The following NEDD4 variants were observed in gnomAD, a reference collection of about 807,000 sequenced individuals.
NEDD4 encodes the protein NEDD4 E3 ubiquitin protein ligase.
In NEDD4, 99 loss-of-function variants were observed where a neutral mutation model predicts 144.9. The ratio of observed to expected loss-of-function variants is 0.68; its 90% confidence interval spans 0.58 to 0.81. The LOEUF (loss-of-function observed/expected upper bound fraction) is 0.81. Ranked by LOEUF, NEDD4 falls within the 30% of genes least tolerant of loss-of-function variation. The pLI is 0.00. For synonymous variants in NEDD4, 318 were observed against 350.6 expected, an observed-to-expected ratio of 0.91 and a Z score of 1.04; for missense variants, 985 against 1,065.9, an observed-to-expected ratio of 0.92 and a Z score of 1.06.
At position 55,829,916 on chromosome 15, in the gene NEDD4, C is replaced by A; in HGVS notation, c.2684G>T (p.Gly895Val). The A allele has an allele frequency of 6.2e-7, 1 of 1,613,004 alleles. No homozygotes were observed. Among genetic ancestry groups the A allele is most frequent in the Non-Finnish European group, 8.5e-7 (1 of 1,179,280 alleles). ...TGTAATCTAATCAACTCCATCAAAGCCCTGGGTGTTTTCAATTGCCATCTG... is the reference window on the plus strand; with the variant it reads ...TGTAATCTAATCAACTCCATCAAAGACCTGGGTGTTTTCAATTGCCATCTG... ...KLQMAIENTQ[G>V]FDGVD Residue 895 changes from glycine to valine, a missense_variant, in exon 29 of 29, where the codon GGC becomes GTC. Transcript: ENST00000435532.
At chr15:55,993,322 GC>G (rs1203173847) in intron 1 of NEDD4, among the ~76,000 whole-genome samples, 188 bp downstream of exon 1, 1 of 152,128 alleles carries the variant, frequency 6.6e-6, no homozygotes, top group African/African-American at 2.4e-5. Context: ...CCTCCAGCGA[GC>G]CCCCAGCGCC....
intron 27 of NEDD4, among the ~76,000 whole-genome samples, chr15:55,831,950 A>G (rs1229989439): frequency 6.6e-6 from 1 of 152,208 alleles, no homozygotes; most frequent in Non-Finnish European, 1.5e-5. Context: ...AATATGAATC[A>G]ATATGAGAAA....
At chr15:55,831,621 G>C (rs896387637) in intron 27 of NEDD4, among the ~76,000 whole-genome samples, 3 of 152,202 alleles carry the variant, frequency 2.0e-5, no homozygotes, top group Non-Finnish European at 4.4e-5. Flanking sequence ...TAACCACTTT[G>C]AGTGGTTACT....
At chr15:55,881,286 C>T (rs1241046148) in intron 5 of NEDD4, among the ~76,000 whole-genome samples, 1 of 151,866 alleles carries the variant, frequency 6.6e-6, no homozygotes, top group Non-Finnish European at 1.5e-5. Context: ...GGATTACAGG[C>T]ACACGCCACC....
chr15:55,852,087 G>C lies in NEDD4; in HGVS notation c.1146+337C>G, dbSNP rs201283622. Among the ~76,000 whole-genome samples the C allele has an allele frequency of 2.7e-4, 41 of 152,006 alleles. No homozygotes were observed. The East Asian group carries it at 7.5e-3, about 28-fold the overall frequency. ...GAGGTGGGTGGATCACCTGAGGTCA[G>C]GAGTTTCAGATCAGCCTGGCCAACA... On this transcript the variant is annotated intron_variant, in intron 13 of 28. Coordinates refer to ENST00000435532, the MANE Select transcript of NEDD4 (RefSeq NM_006154.4).
chr15:55,923,103 G>A (rs541958429), intron 5 of NEDD4, among the ~76,000 whole-genome samples: 1 of 152,194 alleles, frequency 6.6e-6, no homozygotes, highest in African/African-American at 2.4e-5. Flanking sequence ...AGAATAGCTT[G>A]AACCTGGGAG....
At chr15:55,915,095 AC>A (rs1484591360) in intron 5 of NEDD4, among the ~76,000 whole-genome samples, 1 of 152,138 alleles carries the variant, frequency 6.6e-6, no homozygotes. Context: ...TGGTAAAATA[AC>A]AAATAGAGTA....
chr15:55,985,354 G>A (rs1434506186), intron 1 of NEDD4, among the ~76,000 whole-genome samples: 1 of 152,242 alleles, frequency 6.6e-6, no homozygotes, highest in East Asian at 1.9e-4. Flanking sequence ...GGGGCACTGA[G>A]GGGAGGAGGG....
intron 21 of NEDD4, among the ~76,000 whole-genome samples, chr15:55,839,996 AAAAATATATATATATATATATATAT>A (rs1405087052): frequency 1.4e-4 from 4 of 29,334 alleles, no homozygotes; most frequent in Non-Finnish European, 1.4e-4. Flanking sequence ...AAAAAAAAAA[AAAAATATATATATATATATATATAT>A]ATATATATAT....
intron 1 of NEDD4, among the ~76,000 whole-genome samples, chr15:55,974,823 T>G (rs2037671249): frequency 6.7e-6 from 1 of 149,270 alleles, no homozygotes; most frequent in Non-Finnish European, 1.5e-5. Flanking sequence ...CCATGGTAAA[T>G]GGGGAGAAAC....
At chr15:55,848,703 TTAA>T in intron 15 of NEDD4, 100 bp downstream of exon 15, 1 of 1,293,160 alleles carries the variant, frequency 7.7e-7, no homozygotes, top group South Asian at 1.3e-5. Flanking sequence ...TATCAACATT[TTAA>T]TAATAACATT....
chr15:55,882,998 G>A (rs2035249766), intron 5 of NEDD4, among the ~76,000 whole-genome samples: 1 of 152,148 alleles, frequency 6.6e-6, no homozygotes, highest in South Asian at 2.1e-4. Flanking sequence ...CTCCTGCGTG[G>A]GAAGAGTAGA....
At chr15:55,968,243 A>C (rs766482726) in intron 1 of NEDD4, among the ~76,000 whole-genome samples, 19 of 152,272 alleles carry the variant, frequency 1.2e-4, no homozygotes, top group South Asian at 4.1e-4. Context: ...TCACTATCTT[A>C]TACTAAAACA....
chr15:55,952,667 A>C (rs574845482), intron 2 of NEDD4: 1 of 152,402 alleles, frequency 6.6e-6, no homozygotes, highest in African/African-American at 2.4e-5. Flanking sequence ...TAACCTAGTG[A>C]GTCAGGAGTC....
At chr15:55,896,934 T>C (rs1331010262) in intron 5 of NEDD4, among the ~76,000 whole-genome samples, 1 of 151,822 alleles carries the variant, frequency 6.6e-6, no homozygotes, top group Non-Finnish European at 1.5e-5. Flanking sequence ...TATTTGTATA[T>C]ATTTATGAAT....
chr15:55,929,960 G>A (rs543966753), intron 4 of NEDD4, among the ~76,000 whole-genome samples: 14 of 152,134 alleles, frequency 9.2e-5, no homozygotes, highest in South Asian at 4.1e-4. Context: ...AAATAGAAGT[G>A]CTTTAAGAAA....
At chr15:55,923,013 GTC>G (rs796279036) in intron 5 of NEDD4, among the ~76,000 whole-genome samples, 130 of 149,832 alleles carry the variant, frequency 8.7e-4, no homozygotes, top group African/African-American at 3.0e-3. Flanking sequence ...GTGAAACCCC[GTC>G]TCTACTAAAA....
chr15:55,953,801 ACCT>A (rs1330726298), intron 2 of NEDD4, among the ~76,000 whole-genome samples: 1 of 149,498 alleles, frequency 6.7e-6, no homozygotes, highest in African/African-American at 2.5e-5. Flanking sequence ...GCTCACTGCA[ACCT>A]CCTCCTCCTG....
intron 5 of NEDD4, among the ~76,000 whole-genome samples, chr15:55,900,499 T>C (rs1487904215): frequency 2.6e-5 from 4 of 152,196 alleles, no homozygotes; most frequent in Non-Finnish European, 5.9e-5. Flanking sequence ...TATAATATAT[T>C]TCGGCAATTT....
Sources: gnomAD v4.1 joint callset for allele counts (sites outside exome capture counted in the v4.1 genomes callset) on GRCh38, gnomAD v4.1.1 for gene constraint, MANE v1.5 for transcripts, NCBI Gene and HGNC (gene_info 2026-07-23, HGNC 2026-07-21) for gene names.